The following C12orf75 variants were observed in gnomAD, a reference collection of about 807,000 sequenced individuals.
C12orf75 encodes chromosome 12 open reading frame 75.
In C12orf75, 4 loss-of-function variants were observed where a neutral mutation model predicts 11.4. The observed-to-expected ratio is 0.35, with a 90% CI of 0.17 to 0.80. The LOEUF is 0.80. Ranked by LOEUF, C12orf75 falls within the 30% of genes least tolerant of loss-of-function variation. The pLI, the probability that C12orf75 is intolerant of heterozygous loss-of-function variation, is 0.52. For missense variants in C12orf75, 89 were observed against 80.4 expected (o/e 1.11, Z -0.41); for synonymous variants, 30 against 30.0 (o/e 1.00, Z 0.00).
At chr12:105,367,662 G>A (rs977768863) in intron 5 of C12orf75, among the ~76,000 whole-genome samples, 153 bp downstream of exon 5, 36 of 152,214 alleles carry the variant, frequency 2.4e-4, no homozygotes, top group African/African-American at 7.9e-4. Context: ...GTGTTTTATT[G>A]CATAGAGGTG....
chr12:105,353,787 T>C (rs751125192), intron 2 of C12orf75, among the ~76,000 whole-genome samples: 18 of 152,192 alleles, frequency 1.2e-4, no homozygotes, highest in African/African-American at 3.9e-4. Flanking sequence ...AAACCATAGC[T>C]ACTCAATGTA....
intron 2 of C12orf75, among the ~76,000 whole-genome samples, chr12:105,360,357 G>A (rs929313894): frequency 6.6e-6 from 1 of 152,234 alleles, no homozygotes; most frequent in South Asian, 2.1e-4. Context: ...GGTGAAGAAC[G>A]GAGTGGCTCA....
chr12:105,330,930 G>C lies in C12orf75; in HGVS notation c.39G>C (p.Ala13=). Reference sequence around the variant, plus strand: ...ACTCCACCGCCACCAGCGCGGGCGCGGGCCAAGGTGAGTCCGGCGGGAGGC... The same window carrying C: ...ACTCCACCGCCACCAGCGCGGGCGCCGGCCAAGGTGAGTCCGGCGGGAGGC... ...CGNSTATSAG[A]GQGPAGAAKD... The change falls in exon 1 of 6, where the codon GCG becomes GCC. Residue 13 remains alanine, a synonymous_variant. Coordinates refer to ENST00000443585, the MANE Select transcript of C12orf75 (RefSeq NM_001145199.2). 8.1e-7 allele frequency: 1 copy of C among 1,235,006 alleles called. No homozygotes were observed. Among genetic ancestry groups the C allele is most frequent in the Non-Finnish European group, 1.0e-6 (1 of 990,180 alleles). The allele number at this position is 1,235,006 out of a possible 1,614,324, so 76.5% of individuals were successfully genotyped here. A position where few individuals can be genotyped will look rare whatever the true frequency, so the allele number is the denominator to read the frequency against.
chr12:105,363,692 T>C (rs925692886), intron 2 of C12orf75, among the ~76,000 whole-genome samples: 6 of 150,672 alleles, frequency 4.0e-5, no homozygotes, highest in African/African-American at 1.2e-4. Context: ...GCCACTGCAC[T>C]CCAGGCTGGT....
chr12:105,342,104 T>G (rs1488991224), intron 1 of C12orf75, among the ~76,000 whole-genome samples: 1 of 152,148 alleles, frequency 6.6e-6, no homozygotes, highest in Non-Finnish European at 1.5e-5. Context: ...ATACATCCAG[T>G]TATTTTGAGG....
intron 2 of C12orf75, among the ~76,000 whole-genome samples, chr12:105,361,957 A>C (rs1892872208): frequency 6.6e-6 from 1 of 152,212 alleles, no homozygotes; most frequent in African/African-American, 2.4e-5. Context: ...AAAATGACTT[A>C]TGTGGCAATT....
chr12:105,359,520 C>G (rs1007556549), intron 2 of C12orf75, among the ~76,000 whole-genome samples: 8 of 152,058 alleles, frequency 5.3e-5, no homozygotes, highest in African/African-American at 1.9e-4. Context: ...CCTGTAATCT[C>G]AGCACTTTGG....
At chr12:105,337,773 C>T (rs547855195) in intron 1 of C12orf75, among the ~76,000 whole-genome samples, 7 of 152,228 alleles carry the variant, frequency 4.6e-5, no homozygotes, top group Admixed American at 1.3e-4. Context: ...TAAACAATAG[C>T]GGGTCATTGT....
At position 105,336,833 on chromosome 12, in the gene C12orf75, A is replaced by G. The variant is rs546865683; in HGVS notation, c.46+5896A>G. ...GGTGATCAACATACTCGACTGTACC[A>G]TGTTTGAAGTGATGATGAATAAAGA... On this transcript the variant is annotated intron_variant, in intron 1 of 5. Transcript: ENST00000443585. Among the ~76,000 whole-genome samples the G allele has an allele frequency of 1.4e-4, 22 of 152,306 alleles. 1 individual carries two copies. The highest frequency in any genetic ancestry group is 4.1e-4 in the South Asian group (2 of 4,830).
At chr12:105,360,798 C>A (rs1156992813) in intron 2 of C12orf75, among the ~76,000 whole-genome samples, 1 of 151,914 alleles carries the variant, frequency 6.6e-6, no homozygotes. Flanking sequence ...TTTTGTGAGA[C>A]CGAGTCTGTC....
chr12:105,343,241 C>T (rs1219964168), intron 1 of C12orf75, among the ~76,000 whole-genome samples: 1 of 152,066 alleles, frequency 6.6e-6, no homozygotes, highest in Non-Finnish European at 1.5e-5. Flanking sequence ...TTTTTCCCCA[C>T]AAGAAACATT....
intron 5 of C12orf75, among the ~76,000 whole-genome samples, 185 bp from the exon 6 acceptor site, chr12:105,370,449 T>C (rs897594399): frequency 6.6e-6 from 1 of 152,244 alleles, no homozygotes; most frequent in Non-Finnish European, 1.5e-5. Flanking sequence ...TGCCTCTTTA[T>C]ATAATTATCA....
Position 105,344,946 on chromosome 12 carries a change from G to A in C12orf75, c.47-3656G>A, listed in dbSNP as rs578120742. Among the ~76,000 whole-genome samples the A allele has an allele frequency of 5.5e-5, 8 of 146,182 alleles. 1 individual carries two copies. The highest frequency in any genetic ancestry group is 3.9e-4 in the East Asian group (2 of 5,104). On this transcript the variant is annotated intron_variant, in intron 1 of 5. Coordinates refer to ENST00000443585, the MANE Select transcript of C12orf75 (RefSeq NM_001145199.2). ...AAAAGATATTATTTTCTTTTTAGAC[G>A]TAAGCTGAAAATTCTAAGCCCCCCC...
At chr12:105,347,933 T>C (rs1892658893) in intron 1 of C12orf75, among the ~76,000 whole-genome samples, 2 of 152,216 alleles carry the variant, frequency 1.3e-5, no homozygotes, top group Admixed American at 6.5e-5. Context: ...AAAAGGTGTA[T>C]GGCTTAAAAA....
In C12orf75 at chr12:105,362,446, T is replaced by C. The variant is rs182830896; in HGVS notation, c.72-3361T>C. Among the ~76,000 whole-genome samples, 30 of 135,834 alleles carry C rather than the reference T, an allele frequency of 2.2e-4. No individual in the cohort carries two copies. In the East Asian group the frequency reaches 6.3e-3, roughly 29 times the overall value. 89.1% of individuals were successfully genotyped at this position (135,834 alleles called of 152,430 possible). A position where few individuals can be genotyped will look rare whatever the true frequency, so the allele number is the denominator to read the frequency against. ...CCTTTGGGAGGCTGAGGCGGGTGGATCATGAGGTCAGGAGATTGAGACCAT... is the reference window on the plus strand; with the variant it reads ...CCTTTGGGAGGCTGAGGCGGGTGGACCATGAGGTCAGGAGATTGAGACCAT... On this transcript the variant is annotated intron_variant, in intron 2 of 5. Transcript: ENST00000443585.
At position 105,371,470 on chromosome 12, in the gene C12orf75, T is replaced by C. The variant is rs926347818; in HGVS notation, c.*870T>C. 2.0e-5 allele frequency: 3 copies of C among 152,216 alleles called. No homozygotes were observed. Among genetic ancestry groups the C allele is most frequent in the African/African-American group, 7.2e-5 (3 of 41,462 alleles). The allele number at this position is 152,216 out of a possible 1,614,324, so 9.4% of individuals were successfully genotyped here. A position where few individuals can be genotyped will look rare whatever the true frequency, so the allele number is the denominator to read the frequency against. ...TACTTAGTATTGCAATGTAAGTTAC[T>C]CAATTCACCAATGTATTTCAACAAT... On this transcript the variant is annotated 3_prime_UTR_variant, in exon 6 of 6. Transcript: ENST00000443585.
At chr12:105,349,454 A>T (rs1444423965) in intron 2 of C12orf75, among the ~76,000 whole-genome samples, 1 of 152,178 alleles carries the variant, frequency 6.6e-6, no homozygotes, top group Non-Finnish European at 1.5e-5. Flanking sequence ...GGGTGAGGCT[A>T]CTTATGAATG....
intron 3 of C12orf75, 70 bp downstream of exon 3, chr12:105,365,912 TA>T: frequency 1.1e-6 from 1 of 928,836 alleles, no homozygotes; most frequent in Non-Finnish European, 1.7e-6. Flanking sequence ...TAACACACTG[TA>T]GCATATTCCC....
Position 105,352,215 on chromosome 12 carries a change from C to T in C12orf75, c.71+3589C>T, listed in dbSNP as rs181632073. On this transcript the variant is annotated intron_variant, in intron 2 of 5. Coordinates refer to ENST00000443585, the MANE Select transcript of C12orf75 (RefSeq NM_001145199.2). The stretch of plus-strand genomic sequence containing the variant: ...GCTGAAGGAGGAAGAGAAGTCATTG[C>T]GTGTGTCATGATGGCCACATTGGTC... Among the ~76,000 whole-genome samples the T allele has an allele frequency of 9.3e-4, 141 of 152,180 alleles. 1 individual carries two copies. The highest frequency in any genetic ancestry group is 3.2e-3 in the African/African-American group (133 of 41,514).
Sources: allele counts gnomAD v4.1 joint callset (sites outside exome capture counted in the v4.1 genomes callset), GRCh38; gene constraint gnomAD v4.1.1; transcripts MANE v1.5; gene names NCBI Gene and HGNC (gene_info 2026-07-23, HGNC 2026-07-21).